Variants in GNAT3 observed in about 807,000 individuals in gnomAD.
GNAT3 encodes the protein guanine nucleotide-binding protein G(t) subunit alpha-3.
GNAT3 carries 31 observed loss-of-function variants against 37.7 expected under a neutral mutation model. The ratio of observed to expected loss-of-function variants is 0.82; its 90% confidence interval spans 0.62 to 1.11. The LOEUF (loss-of-function observed/expected upper bound fraction) is 1.11. GNAT3 is among the 50% of genes most tolerant of loss of function. The pLI is 0.00. For synonymous variants in GNAT3, 138 were observed against 139.8 expected (o/e 0.99, Z 0.09); for missense variants, 437 against 412.5 (o/e 1.06, Z -0.51).
intron 4 of GNAT3, among the ~76,000 whole-genome samples, chr7:80,478,555 A>G (rs1205108873): frequency 6.6e-6 from 1 of 152,218 alleles, no homozygotes; most frequent in Non-Finnish European, 1.5e-5. Flanking sequence ...AAGGCTATGC[A>G]TAAAGGTTAA....
chr7:80,472,406 A>G (rs1790235933), intron 5 of GNAT3, among the ~76,000 whole-genome samples: 1 of 152,146 alleles, frequency 6.6e-6, no homozygotes, highest in Non-Finnish European at 1.5e-5. Context: ...AGGGATAAGC[A>G]TGGATGGTAC....
At chr7:80,501,064 T>G (rs1339992153) in intron 1 of GNAT3, among the ~76,000 whole-genome samples, 1 of 152,124 alleles carries the variant, frequency 6.6e-6, no homozygotes, top group East Asian at 1.9e-4. Flanking sequence ...CTAAAAATGT[T>G]TATGTAATTT....
Position 80,488,537 on chromosome 7 carries a change from C to A in GNAT3, c.301G>T (p.Ala101Ser), listed in dbSNP as rs935051492. Residue 101 changes from alanine to serine, a missense_variant and splice_region_variant, in exon 3 of 8, where the codon GCA becomes TCA. By Grantham distance (99) the Ala-to-Ser change is moderately conservative (BLOSUM62 1). Transcript: ENST00000398291. ...GCTGTCATTATTTGCATACTTACTGCACTTCTGGGATTTACATAATCAATT... is the reference window on the plus strand; with the variant it reads ...GCTGTCATTATTTGCATACTTACTGAACTTCTGGGATTTACATAATCAATT... ...LGIDYVNPRS[A>S]EDQRQLYAMA... is the part of the protein sequence containing the mutation. 4 of 1,599,754 alleles carry A rather than the reference C, an allele frequency of 2.5e-6. No homozygotes were observed. Among genetic ancestry groups the A allele is most frequent in the Non-Finnish European group, 3.4e-6 (4 of 1,171,802 alleles).
chr7:80,495,438 T>C (rs1179091438), intron 1 of GNAT3, among the ~76,000 whole-genome samples: 2 of 151,812 alleles, frequency 1.3e-5, no homozygotes, highest in Non-Finnish European at 2.9e-5. Context: ...TGGTGTAAGG[T>C]GGTCTCTCAC....
intron 3 of GNAT3, among the ~76,000 whole-genome samples, chr7:80,488,091 T>C (rs1790522657): frequency 6.6e-6 from 1 of 152,180 alleles, no homozygotes; most frequent in Non-Finnish European, 1.5e-5. Context: ...TATCAAGTAA[T>C]CATTTCCCTG....
intron 3 of GNAT3, among the ~76,000 whole-genome samples, chr7:80,479,799 G>GT (rs908156127): frequency 1.3e-4 from 17 of 135,082 alleles, no homozygotes; most frequent in East Asian, 9.8e-4. Flanking sequence ...AATATATAAT[G>GT]TTTTTTTGTC....
At chr7:80,464,589 T>C (rs553776600) in intron 5 of GNAT3, among the ~76,000 whole-genome samples, 4 of 152,204 alleles carry the variant, frequency 2.6e-5, no homozygotes, top group African/African-American at 9.6e-5. Context: ...TTGGGCTTAA[T>C]GAGGAAGAGA....
intron 3 of GNAT3, among the ~76,000 whole-genome samples, chr7:80,480,096 T>A (rs952239083): frequency 2.0e-5 from 3 of 152,204 alleles, no homozygotes; most frequent in South Asian, 2.1e-4. Context: ...AATCATTTTT[T>A]AAAAAATTAA....
chr7:80,498,951 C>T lies in GNAT3; in HGVS notation c.119-4304G>A, dbSNP rs567854989. On this transcript the variant is annotated intron_variant, in intron 1 of 7. Coordinates refer to ENST00000398291, the MANE Select transcript of GNAT3 (RefSeq NM_001102386.3). Reference sequence around the variant, plus strand: ...GAAAATATTAAAAAGAATTTTAAATCTACCCAATATTTATACATGTAACTG... The same window carrying T: ...GAAAATATTAAAAAGAATTTTAAATTTACCCAATATTTATACATGTAACTG... Among the ~76,000 whole-genome samples the T allele has an allele frequency of 7.0e-4, 106 of 152,206 alleles. No individual in the cohort carries two copies. The South Asian group carries it at 7.3e-3, about 10-fold the overall frequency.
intron 3 of GNAT3, among the ~76,000 whole-genome samples, chr7:80,487,022 T>A (rs1790498202): frequency 6.6e-6 from 1 of 152,170 alleles, no homozygotes; most frequent in Non-Finnish European, 1.5e-5. Context: ...ATATTTCTAA[T>A]CATTAAATCC....
intron 5 of GNAT3, among the ~76,000 whole-genome samples, chr7:80,463,453 C>T (rs1790085235): frequency 1.3e-5 from 2 of 152,054 alleles, no homozygotes; most frequent in Non-Finnish European, 2.9e-5. Context: ...CTTTCCTTTT[C>T]CTGTGACAAA....
intron 4 of GNAT3, among the ~76,000 whole-genome samples, chr7:80,476,070 G>A (rs879850876): frequency 1.3e-5 from 2 of 151,654 alleles, no homozygotes; most frequent in Admixed American, 1.3e-4. Context: ...GTTAGTTCAC[G>A]CAAGAGTAAA....
At chr7:80,481,410 T>C (rs767903350) in intron 3 of GNAT3, among the ~76,000 whole-genome samples, 14 of 152,092 alleles carry the variant, frequency 9.2e-5, no homozygotes, top group Non-Finnish European at 1.3e-4. Context: ...CCCTCCTCCC[T>C]TTGGAATTCA....
Position 80,483,322 on chromosome 7 carries a change from C to T in GNAT3, c.304-4324G>A, listed in dbSNP as rs1485888465. 3.3e-5 allele frequency among the ~76,000 whole-genome samples: 5 copies of T among 151,876 alleles called. No individual in the cohort carries two copies. In the East Asian group the frequency reaches 9.7e-4, roughly 29 times the overall value. On this transcript the variant is annotated intron_variant, in intron 3 of 7. Transcript: ENST00000398291. ...ATGTTCTTCTGTGCTTATTGAAAAG[C>T]TGGTATAATTTAAAGAATTACAATT... is the stretch of plus-strand genomic sequence containing the variant.
Position 80,511,860 on chromosome 7 carries a change from GC to G in GNAT3, c.66del (p.Lys22AsnfsTer13). 2 of 1,612,342 alleles carry G rather than the reference GC, an allele frequency of 1.2e-6. No individual in the cohort carries two copies. Among genetic ancestry groups the G allele is most frequent in the Non-Finnish European group, 1.7e-6 (2 of 1,178,970 alleles). Reference protein sequence around the residue: ...SAKRSKELEKKLQEDAERDAR... With the variant: ...SAKRSKELEKXLQEDAERDAR... ...GCATCTCGCTCAGCATCCTCCTGAA[GC>G]TTTTTCTCCAGTTCTTTTGATCTTT... On this transcript the variant is annotated frameshift_variant, in exon 1 of 8. Coordinates refer to ENST00000398291, the MANE Select transcript of GNAT3 (RefSeq NM_001102386.3). LOFTEE classifies it high-confidence loss of function.
intron 3 of GNAT3, among the ~76,000 whole-genome samples, chr7:80,485,600 A>G (rs1790464795): frequency 6.6e-6 from 1 of 152,112 alleles, no homozygotes; most frequent in Non-Finnish European, 1.5e-5. Context: ...TTTCCATCTC[A>G]GTTACTGCTG....
chr7:80,462,527 ATGTCATAGGCACTAAG>A lies in GNAT3; in HGVS notation c.679_694del (p.Leu227TrpfsTer9). ...CACTTCTTCGTCTTCCACGAGGACC[ATGTCATAGGCACTAAG>A]TGCAGCACAAAATATAATGCATGTA... On this transcript the variant is annotated frameshift_variant, in exon 6 of 8. Transcript: ENST00000398291. LOFTEE classifies it high-confidence loss of function. The A allele has an allele frequency of 6.2e-7, 1 of 1,613,680 alleles. No homozygotes were observed. Among genetic ancestry groups the A allele is most frequent in the South Asian group, 1.1e-5 (1 of 90,958 alleles).
At chr7:80,487,581 C>G (rs1248356354) in intron 3 of GNAT3, 1 of 152,094 alleles carries the variant, frequency 6.6e-6, no homozygotes, top group Non-Finnish European at 1.5e-5. Flanking sequence ...TTACAAGATC[C>G]AGTGGTCATT....
intron 3 of GNAT3, among the ~76,000 whole-genome samples, chr7:80,483,234 T>A (rs1790421301): frequency 6.6e-6 from 1 of 152,252 alleles, no homozygotes; most frequent in South Asian, 2.1e-4. Flanking sequence ...TCTGGCAATA[T>A]ACAGTTGTTA....
Sources: gnomAD v4.1 joint callset for allele counts (sites outside exome capture counted in the v4.1 genomes callset) on GRCh38, gnomAD v4.1.1 for gene constraint, MANE v1.5 for transcripts, NCBI Gene and HGNC (gene_info 2026-07-23, HGNC 2026-07-21) for gene names.